SCYL2: variants seen among roughly 807,000 people sequenced by gnomAD.
The protein encoded by SCYL2 is SCY1-like protein 2.
In SCYL2, 36 loss-of-function variants were observed where a neutral mutation model predicts 100.4. The ratio of observed to expected loss-of-function variants is 0.36; its 90% CI spans 0.27 to 0.47. The LOEUF (loss-of-function observed/expected upper bound fraction) is 0.47, where lower values mean the gene tolerates loss of function less well. SCYL2 is among the 20% of genes least tolerant of loss of function. The probability of loss-of-function intolerance (pLI) is 1.00; values close to 1 mark genes in which losing one functional copy is unlikely to be tolerated. For missense variants in SCYL2, 902 were observed against 1,083.9 expected, an observed-to-expected ratio of 0.83 and a Z score of 2.36; for synonymous variants, 330 against 359.2, an observed-to-expected ratio of 0.92 and a Z score of 0.92.
At chr12:100,337,728 A>G (rs1952297466) in intron 17 of SCYL2, among the ~76,000 whole-genome samples, 5 of 152,218 alleles carry the variant, frequency 3.3e-5, no homozygotes, top group Admixed American at 2.0e-4. Context: ...AAAAGAAGCT[A>G]GAAGAATAGG....
chr12:100,338,698 C>A lies in SCYL2; in HGVS notation c.2316C>A (p.Gly772=). The change falls in exon 18 of 18, where the codon GGC becomes GGA. Residue 772 remains glycine (G), a synonymous_variant. Transcript: ENST00000360820. ...ATACAAAGAGAAATTTGACAAATGG[C>A]CTAAATGCCAATATGGGCTTTCAGA... The part of the protein sequence containing the change: ...TDNTKRNLTN[G]LNANMGFQTS... 6.2e-7 allele frequency: 1 copy of A among 1,613,998 alleles called. No homozygotes were observed. The highest frequency in any genetic ancestry group is 1.7e-5 in the Admixed American group (1 of 60,004).
intron 16 of SCYL2, among the ~76,000 whole-genome samples, chr12:100,336,487 T>G (rs921208370): frequency 3.3e-5 from 5 of 152,158 alleles, no homozygotes; most frequent in African/African-American, 4.8e-5. Flanking sequence ...CAATTTGAGT[T>G]TGTCTCATGT....
chr12:100,329,373 A>G (rs1217955200), intron 13 of SCYL2, 54 bp downstream of exon 13: 10 of 819,624 alleles, frequency 1.2e-5, no homozygotes, highest in Non-Finnish European at 1.9e-5. Context: ...TTTTCTTGGC[A>G]TTAGATATAT....
At chr12:100,273,546 C>T (rs2096289662) in intron 1 of SCYL2, among the ~76,000 whole-genome samples, 1 of 152,268 alleles carries the variant, frequency 6.6e-6, no homozygotes, top group South Asian at 2.1e-4. Flanking sequence ...AAATGAATTT[C>T]CATGCCTGTT....
chr12:100,317,842 A>G lies in SCYL2; in HGVS notation c.1312A>G (p.Thr438Ala). ...IFLQKMDLLLTKTPPDEIKNS... is the reference protein window; with the variant it reads ...IFLQKMDLLLAKTPPDEIKNS... Reference sequence around the variant, plus strand: ...CCTACAAAAAATGGATTTGCTACTAACCAAAACCCCTCCTGATGAGATAAA... The same window carrying G: ...CCTACAAAAAATGGATTTGCTACTAGCCAAAACCCCTCCTGATGAGATAAA... Residue 438 changes from threonine to alanine, a missense_variant, in exon 10 of 18, where the codon ACC becomes GCC. Physicochemically the swap from Thr to Ala is moderately conservative, Grantham distance 58. Coordinates refer to ENST00000360820, the MANE Select transcript of SCYL2 (RefSeq NM_017988.6). 1 of 1,607,228 alleles carries G rather than the reference A, an allele frequency of 6.2e-7. No homozygotes were observed. The highest frequency in any genetic ancestry group is 1.1e-5 in the South Asian group (1 of 88,960).
Position 100,337,504 on chromosome 12 carries a change from CAGGTCAG to C in SCYL2, c.2145+1_2145+7del. On this transcript the variant is annotated splice_donor_variant and splice_donor_5th_base_variant and coding_sequence_variant and intron_variant, in exon 17 of 18. Transcript: ENST00000360820. LOFTEE classifies it high-confidence loss of function. ...GCACACACCTGTTGCTACTGTTAAA[CAGGTCAG>C]AGTTCATTTCTTTTGTGTAATTTCC... 1 of 1,613,506 alleles carries C rather than the reference CAGGTCAG, an allele frequency of 6.2e-7. No individual in the cohort carries two copies. The highest frequency in any genetic ancestry group is 8.5e-7 in the Non-Finnish European group (1 of 1,179,534).
intron 10 of SCYL2, among the ~76,000 whole-genome samples, chr12:100,322,860 CA>C (rs138492576): frequency 0.016 from 1,287 of 78,878 alleles, 11 homozygotes; most frequent in East Asian, 0.062. Flanking sequence ...AACTCCGTCT[CA>C]AAAAAAAAAA....
chr12:100,277,621 G>A (rs2096293902), intron 1 of SCYL2, among the ~76,000 whole-genome samples: 1 of 152,104 alleles, frequency 6.6e-6, no homozygotes, highest in African/African-American at 2.4e-5. Context: ...TTTGTAAGCA[G>A]CATATAGTTA....
chr12:100,297,258 A>ACAC (rs1170777663), intron 3 of SCYL2, among the ~76,000 whole-genome samples: 1 of 152,158 alleles, frequency 6.6e-6, no homozygotes, highest in Non-Finnish European at 1.5e-5. Context: ...TGGGTCTATT[A>ACAC]TCACCATTTT....
Position 100,329,267 on chromosome 12 carries a change from T to A in SCYL2, c.1709T>A (p.Val570Glu). 1 of 1,609,218 alleles carries A rather than the reference T, an allele frequency of 6.2e-7. No homozygotes were observed. Among genetic ancestry groups the A allele is most frequent in the Non-Finnish European group, 8.5e-7 (1 of 1,175,750 alleles). Reference sequence around the variant, plus strand: ...ACCAAAGAGCAGCTGGCCGGAAAAGTGTTGCCTCATCTTATTCCCCTGAGT... The same window carrying A: ...ACCAAAGAGCAGCTGGCCGGAAAAGAGTTGCCTCATCTTATTCCCCTGAGT... Reference protein sequence around the residue: ...GITKEQLAGKVLPHLIPLSIE... With the variant: ...GITKEQLAGKELPHLIPLSIE... Residue 570 changes from valine (V) to glutamate (E), a missense_variant, in exon 13 of 18, where the codon GTG becomes GAG. Transcript: ENST00000360820.
At chr12:100,315,499 A>T in intron 8 of SCYL2, 59 bp from the exon 9 acceptor site, 1 of 1,425,084 alleles carries the variant, frequency 7.0e-7, no homozygotes, top group Non-Finnish European at 9.4e-7. Context: ...AGTGTTAACT[A>T]ATACTAAAAA....
chr12:100,303,048 A>G (rs1318862340), intron 4 of SCYL2, among the ~76,000 whole-genome samples: 1 of 151,914 alleles, frequency 6.6e-6, no homozygotes, highest in Non-Finnish European at 1.5e-5. Flanking sequence ...CGATTCAGCT[A>G]TTAATAATTG....
intron 3 of SCYL2, among the ~76,000 whole-genome samples, chr12:100,293,950 C>T (rs1315922211): frequency 6.6e-6 from 1 of 151,984 alleles, no homozygotes; most frequent in African/African-American, 2.4e-5. Context: ...ACACGGCAAC[C>T]ATCCGATTTC....
In SCYL2 at chr12:100,309,106, TTGTGTGTG is replaced by T. The variant is rs143410251; in HGVS notation, c.481-1917_481-1910del. On this transcript the variant is annotated intron_variant, in intron 4 of 17. Transcript: ENST00000360820. ...TCACCTGATTTTTGGGTATTTTGAT[TTGTGTGTG>T]TGTGTGTGTGTGTGTGTGTGCGCGC... Among the ~76,000 whole-genome samples, 12 of 148,168 alleles carry T rather than the reference TTGTGTGTG, an allele frequency of 8.1e-5. No homozygotes were observed. In the South Asian group the frequency reaches 1.1e-3, roughly 13 times the overall value.
chr12:100,306,099 T>C (rs2096334031), intron 4 of SCYL2, among the ~76,000 whole-genome samples: 1 of 152,122 alleles, frequency 6.6e-6, no homozygotes, highest in African/African-American at 2.4e-5. Flanking sequence ...TACCATTCCT[T>C]CTGAAACTAT....
At chr12:100,282,319 CTT>C (rs1180915936) in intron 1 of SCYL2, among the ~76,000 whole-genome samples, 4 of 85,606 alleles carry the variant, frequency 4.7e-5, no homozygotes, top group East Asian at 3.0e-4. Flanking sequence ...CACTTTTAGT[CTT>C]TTTTTTTTTT....
chr12:100,301,076 T>C (rs2096326991), intron 4 of SCYL2, among the ~76,000 whole-genome samples: 1 of 152,188 alleles, frequency 6.6e-6, no homozygotes, highest in Admixed American at 6.5e-5. Context: ...AACCTCCAAA[T>C]TGTTCTGTAT....
intron 5 of SCYL2, 76 bp from the exon 6 acceptor site, chr12:100,312,356 A>G (rs2096343163): frequency 2.7e-6 from 3 of 1,101,216 alleles, no homozygotes; most frequent in Non-Finnish European, 4.1e-6. Context: ...GTAGAAATTT[A>G]AAGATAGATT....
At chr12:100,294,986 T>C (rs1592941037) in intron 3 of SCYL2, among the ~76,000 whole-genome samples, 2 of 139,906 alleles carry the variant, frequency 1.4e-5, no homozygotes, top group East Asian at 2.3e-4. Flanking sequence ...TCAGACGGGG[T>C]GGCCGGGCAG....
Sources: allele counts gnomAD v4.1 joint callset (sites outside exome capture counted in the v4.1 genomes callset), GRCh38; gene constraint gnomAD v4.1.1; transcripts MANE v1.5; gene names NCBI Gene and HGNC (gene_info 2026-07-23, HGNC 2026-07-21).